Variants in DMD observed in about 807,000 individuals in gnomAD.
DMD encodes the protein dystrophin.
Under a neutral mutation model 330.1 loss-of-function variants are expected in DMD, and 63 were observed. That is an observed-to-expected ratio of 0.19 (90% CI 0.16 to 0.24). The LOEUF (loss-of-function observed/expected upper bound fraction) is 0.24. DMD is among the 10% of genes least tolerant of loss of function. The pLI is 1.00. For missense variants in DMD, 3,344 were observed against 2,684.1 expected, an observed-to-expected ratio of 1.25 and a Z score of -5.43; for synonymous variants, 1,223 against 959.8, an observed-to-expected ratio of 1.27 and a Z score of -5.07.
intron 53 of DMD, among the ~76,000 whole-genome samples, chrX:31,667,707 T>C (rs1375974935): frequency 9.0e-6 from 1 of 111,237 alleles, no homozygotes; most frequent in Non-Finnish European, 1.9e-5. Flanking sequence ...TTGCTTGAGG[T>C]GAGGGATAGG....
chrX:32,678,309 T>A (rs1025075620), intron 9 of DMD, among the ~76,000 whole-genome samples: 1 of 112,447 alleles, frequency 8.9e-6, no homozygotes, highest in African/African-American at 3.2e-5. Context: ...CAGATGATGA[T>A]GCCCTATGGT....
chrX:31,339,248 C>G (rs903994568), intron 61 of DMD, among the ~76,000 whole-genome samples: 1 of 111,393 alleles, frequency 9.0e-6, no homozygotes, highest in Non-Finnish European at 1.9e-5. Context: ...AATCTGAGAG[C>G]TTATTGGGGA....
At chrX:31,217,389 G>A (rs1192656080) in intron 64 of DMD, among the ~76,000 whole-genome samples, 1 of 111,455 alleles carries the variant, frequency 9.0e-6, no homozygotes, top group African/African-American at 3.3e-5. Flanking sequence ...ATACAATTGG[G>A]TTATTTGGCT....
rs184503905 is a variant in DMD, at chrX:31,951,296, C to A, written c.6614+17043G>T. 6.7e-5 allele frequency among the ~76,000 whole-genome samples: 7 copies of A among 105,084 alleles called. No homozygotes were observed. In the East Asian group the frequency reaches 1.8e-3, roughly 26 times the overall value. 91.3% of individuals were successfully genotyped at this position (105,084 alleles called of 115,157 possible). A position where few individuals can be genotyped will look rare whatever the true frequency, so the allele number is the denominator to read the frequency against. On this transcript the variant is annotated intron_variant, in intron 45 of 78. Coordinates refer to ENST00000357033, the MANE Select transcript of DMD (RefSeq NM_004006.3). ...GCTGTGTTTTGACTGTGACTCATTA[C>A]AGGTCAGGTGTGAAATTTTCCACTT...
At chrX:31,251,177 T>C (rs1193356345) in intron 63 of DMD, among the ~76,000 whole-genome samples, 2 of 108,936 alleles carry the variant, frequency 1.8e-5, no homozygotes, top group African/African-American at 3.3e-5. Context: ...TTTTTTTTTT[T>C]CTAAGACAAC....
chrX:31,140,951 G>A (rs2035965081), intron 76 of DMD, among the ~76,000 whole-genome samples: 1 of 111,572 alleles, frequency 9.0e-6, no homozygotes, highest in African/African-American at 3.3e-5. Flanking sequence ...AGCACTTTGG[G>A]AGGCTGAGGC....
intron 47 of DMD, among the ~76,000 whole-genome samples, chrX:31,918,071 G>A (rs2094633669): frequency 8.9e-6 from 1 of 112,423 alleles, no homozygotes; most frequent in African/African-American, 3.2e-5. Flanking sequence ...AGGACCTGCC[G>A]TACATTAAAG....
intron 44 of DMD, among the ~76,000 whole-genome samples, chrX:31,996,597 T>C (rs1035714530): frequency 2.7e-5 from 3 of 111,569 alleles, no homozygotes; most frequent in Non-Finnish European, 5.7e-5. Context: ...TAGCACTGAA[T>C]TTTCAGTAAT....
intron 44 of DMD, among the ~76,000 whole-genome samples, chrX:32,026,309 T>A (rs2095845378): frequency 8.9e-6 from 1 of 112,373 alleles, no homozygotes; most frequent in Admixed American, 9.4e-5. Flanking sequence ...TCACGAAGTT[T>A]TACAACATGC....
intron 55 of DMD, among the ~76,000 whole-genome samples, chrX:31,600,494 A>T (rs2077292826): frequency 9.4e-6 from 1 of 106,772 alleles, no homozygotes; most frequent in African/African-American, 3.4e-5. Context: ...ATCAATAAAC[A>T]AGCATGCCAA....
At chrX:32,217,460 T>G (rs925171897) in intron 43 of DMD, among the ~76,000 whole-genome samples, 29 of 111,611 alleles carry the variant, frequency 2.6e-4, no homozygotes, top group African/African-American at 8.8e-4. Flanking sequence ...ATATTCCCTT[T>G]CAAAATATTT....
At chrX:31,865,731 T>C (rs778969174) in intron 48 of DMD, among the ~76,000 whole-genome samples, 1 of 105,026 alleles carries the variant, frequency 9.5e-6, no homozygotes, top group East Asian at 3.0e-4. Flanking sequence ...GAGTCTAGAG[T>C]CCCAGGCTTC....
chrX:32,299,798 T>C (rs1337049510), intron 42 of DMD, among the ~76,000 whole-genome samples: 1 of 111,158 alleles, frequency 9.0e-6, no homozygotes, highest in East Asian at 2.9e-4. Flanking sequence ...GAATGTGTCC[T>C]GGCACAAAAA....
At chrX:31,722,940 C>T (rs774253154) in intron 52 of DMD, among the ~76,000 whole-genome samples, 5 of 110,172 alleles carry the variant, frequency 4.5e-5, no homozygotes, top group Non-Finnish European at 9.5e-5. Flanking sequence ...GCCAGCTACT[C>T]GGTAGGCTGA....
At position 31,881,993 on chromosome X, in the gene DMD, A is replaced by G. The variant is rs575383503; in HGVS notation, c.6913-6620T>C. ...AAATAGAGGACTACCTTCTTCATGA[A>G]TTAGAAAGTCCAATACTGTAAAGAT... On this transcript the variant is annotated intron_variant, in intron 47 of 78. Transcript: ENST00000357033. Among the ~76,000 whole-genome samples, 10 of 112,494 alleles carry G rather than the reference A, an allele frequency of 8.9e-5. No individual in the cohort carries two copies. In the South Asian group the frequency reaches 2.2e-3, roughly 25 times the overall value.
At chrX:32,144,391 G>C (rs2096768743) in intron 44 of DMD, among the ~76,000 whole-genome samples, 1 of 111,834 alleles carries the variant, frequency 8.9e-6, no homozygotes, top group African/African-American at 3.2e-5. Context: ...CCAATCCTCA[G>C]CATGTATATT....
chrX:33,137,915 A>T (rs1252166482), intron 1 of DMD, among the ~76,000 whole-genome samples: 6 of 112,054 alleles, frequency 5.4e-5, no homozygotes, highest in Non-Finnish European at 9.4e-5. Context: ...TATTAACAAA[A>T]CATCACCACA....
At chrX:31,329,456 G>A (rs1190453160) in intron 61 of DMD, among the ~76,000 whole-genome samples, 1 of 111,967 alleles carries the variant, frequency 8.9e-6, no homozygotes, top group East Asian at 2.8e-4. Context: ...GATAAATGCT[G>A]TATGACTCCA....
intron 2 of DMD, among the ~76,000 whole-genome samples, chrX:32,969,027 CAAAAAAAAAAAAAAAAAAAAAA>C (rs142087164): frequency 9.6e-4 from 19 of 19,812 alleles, no homozygotes; most frequent in Admixed American, 9.7e-4. Flanking sequence ...GATTCTGTCT[CAAAAAAAAAAAAAAAAAAAAAA>C]AAAAAAAGAA....
Sources: allele counts gnomAD v4.1 joint callset (sites outside exome capture counted in the v4.1 genomes callset), GRCh38; gene constraint gnomAD v4.1.1; transcripts MANE v1.5; gene names NCBI Gene and HGNC (gene_info 2026-07-23, HGNC 2026-07-21).